Variants in ZNF517 observed in about 807,000 individuals in gnomAD.
The protein encoded by ZNF517 is zinc finger protein 517.
Under a neutral mutation model 12.1 loss-of-function variants are expected in ZNF517, and 12 were observed. That is an observed-to-expected ratio of 0.99 (90% CI 0.63 to 1.61). The LOEUF (loss-of-function observed/expected upper bound fraction) is 1.61. ZNF517 is among the 40% of genes most tolerant of loss of function. The probability of loss-of-function intolerance (pLI) is 0.00; values close to 1 mark genes in which losing one functional copy is unlikely to be tolerated. For synonymous variants in ZNF517, 388 were observed against 310.2 expected, an observed-to-expected ratio of 1.25 and a Z score of -2.63; for missense variants, 781 against 693.2, an observed-to-expected ratio of 1.13 and a Z score of -1.42.
At chr8:144,804,464 CAG>C (rs1374356330) in intron 4 of ZNF517, among the ~76,000 whole-genome samples, 3 of 152,144 alleles carry the variant, frequency 2.0e-5, no homozygotes, top group Non-Finnish European at 4.4e-5. Context: ...CCCAAGGTGT[CAG>C]GGGCCGGGTC....
At chr8:144,805,232 C>T (rs2953879) in intron 4 of ZNF517, among the ~76,000 whole-genome samples, 11,925 of 152,316 alleles carry the variant, frequency 0.078, 1,049 homozygotes, top group African/African-American at 0.21. Context: ...GTGACAGAGG[C>T]TCACACTCTT....
At chr8:144,803,899 T>C in intron 3 of ZNF517, 132 bp downstream of exon 3, 1 of 1,365,882 alleles carries the variant, frequency 7.3e-7, no homozygotes. Flanking sequence ...AAGGAGCCCC[T>C]CTCTGCTTCC....
At position 144,807,089 on chromosome 8, in the gene ZNF517, T is replaced by TGG. The variant is rs752361837; in HGVS notation, c.275-98_275-97dup. ...TTTATACCTCAGTAAAGCTGGGTGT[T>TGG]GGGGGAAGACTTGGGAATAAAAAGG... On this transcript the variant is annotated intron_variant, in intron 4 of 4. Transcript: ENST00000359971. The TGG allele has an allele frequency of 7.3e-4, 1,047 of 1,434,140 alleles. 1 individual carries two copies. Among genetic ancestry groups the TGG allele is most frequent in the Non-Finnish European group, 9.1e-4 (976 of 1,076,164 alleles). 88.8% of individuals were successfully genotyped at this position (1,434,140 alleles called of 1,614,324 possible).
intron 1 of ZNF517, among the ~76,000 whole-genome samples, chr8:144,801,146 T>A (rs1297240611): frequency 1.3e-5 from 2 of 152,142 alleles, no homozygotes; most frequent in Non-Finnish European, 2.9e-5. Context: ...ACATGCTTTT[T>A]GTTAACTGAT....
chr8:144,810,197 A>C, downstream of ZNF517: 1 of 698,258 alleles, frequency 1.4e-6, no homozygotes, highest in Non-Finnish European at 2.6e-6. Flanking sequence ...CCGGAAGGGT[A>C]GCCGGTGGGG....
chr8:144,807,039 TC>T, intron 4 of ZNF517, 151 bp from the exon 5 acceptor site: 1 of 1,009,216 alleles, frequency 9.9e-7, no homozygotes, highest in Non-Finnish European at 1.4e-6. Flanking sequence ...TGCCTCAGCC[TC>T]CTGTATACAA....
rs116776328 is a variant in ZNF517, at chr8:144,800,796, C to G, written c.-46+1859C>G. The G allele has an allele frequency of 2.6e-3, 1,670 of 651,082 alleles. 34 individuals carry two copies. In the African/African-American group the frequency reaches 0.03, roughly 12 times the overall value. 40.3% of individuals were successfully genotyped at this position (651,082 alleles called of 1,614,324 possible). A position where few individuals can be genotyped will look rare whatever the true frequency, so the allele number is the denominator to read the frequency against. ...AGGGCTCTGCTGCCAAATGTCACTT[C>G]ATAGCATTGTGACCAAGCAGCCCTC... On this transcript the variant is annotated intron_variant, in intron 1 of 4. Coordinates refer to ENST00000359971, the MANE Select transcript of ZNF517 (RefSeq NM_213605.3).
chr8:144,803,661 T>C lies in ZNF517; in HGVS notation c.54T>C (p.Asp18=), dbSNP rs762948822. The C allele has an allele frequency of 9.9e-6, 16 of 1,614,022 alleles. No individual in the cohort carries two copies. The highest frequency in any genetic ancestry group is 1.3e-5 in the Non-Finnish European group (15 of 1,179,998). ...PGPQEAVVFE[D]VAVYFTRIEW... ...TGCAGGAGGCGGTTGTGTTCGAGGA[T>C]GTGGCTGTGTACTTCACAAGGATAG... Residue 18 remains aspartate, a synonymous_variant, in exon 3 of 5, where the codon GAT becomes GAC. Transcript: ENST00000359971.
At chr8:144,811,600 C>G (rs1457391988), downstream of ZNF517, among the ~76,000 whole-genome samples, 1 of 136,338 alleles carries the variant, frequency 7.3e-6, no homozygotes, top group Non-Finnish European at 1.6e-5. Context: ...GTGGGAGAGA[C>G]ACGGACAGTA....
chr8:144,799,275 G>A (rs1171213205), intron 1 of ZNF517, among the ~76,000 whole-genome samples: 1 of 152,176 alleles, frequency 6.6e-6, no homozygotes, highest in African/African-American at 2.4e-5. Flanking sequence ...CCTCGCTTCC[G>A]TCCGATGGCG....
chr8:144,803,434 A>T, intron 2 of ZNF517: 1 of 605,112 alleles, frequency 1.7e-6, no homozygotes. Context: ...CCCCAAGTTC[A>T]GTTTTTCCCT....
In ZNF517 at chr8:144,807,605, A is replaced by C. The variant is rs1827311750; in HGVS notation, c.689A>C (p.Glu230Ala). 1 of 1,608,114 alleles carries C rather than the reference A, an allele frequency of 6.2e-7. No individual in the cohort carries two copies. Among genetic ancestry groups the C allele is most frequent in the Non-Finnish European group, 8.5e-7 (1 of 1,177,904 alleles). Residue 230 changes from glutamate to alanine, a missense_variant, in exon 5 of 5, where the codon GAG becomes GCG. Glu to Ala is a moderately radical substitution (Grantham distance 107). Transcript: ENST00000359971. ...CGGCACCAGCTGATCCACACTGAGG[A>C]GAAGCCGTTCCAGTGCGGCGAGTGC... ...LLRHQLIHTE[E>A]KPFQCGECGK...
intron 4 of ZNF517, among the ~76,000 whole-genome samples, chr8:144,804,977 G>C (rs556600429): frequency 1.1e-4 from 16 of 152,368 alleles, no homozygotes; most frequent in African/African-American, 3.1e-4. Context: ...CAGGGAGACG[G>C]TCAGGCCTCA....
At chr8:144,799,148 G>A (rs1159597277) in intron 1 of ZNF517, among the ~76,000 whole-genome samples, 4 of 152,158 alleles carry the variant, frequency 2.6e-5, no homozygotes, top group Non-Finnish European at 5.9e-5. Flanking sequence ...GTGGTCGGGG[G>A]CGTGCGGCCG....
At chr8:144,805,004 G>A (rs1247724518) in intron 4 of ZNF517, among the ~76,000 whole-genome samples, 1 of 152,244 alleles carries the variant, frequency 6.6e-6, no homozygotes, top group African/African-American at 2.4e-5. Flanking sequence ...CTGTGGGCGA[G>A]TTTGACTGAT....
intron 4 of ZNF517, among the ~76,000 whole-genome samples, chr8:144,804,601 G>A (rs999218561): frequency 6.6e-6 from 1 of 152,272 alleles, no homozygotes; most frequent in South Asian, 2.1e-4. Context: ...AGAGATAGAA[G>A]AAAAGACAGC....
chr8:144,804,778 G>T lies in ZNF517; in HGVS notation c.274+540G>T, dbSNP rs565448876. Among the ~76,000 whole-genome samples, 25 of 152,282 alleles carry T rather than the reference G, an allele frequency of 1.6e-4. No individual in the cohort carries two copies. In the South Asian group the frequency reaches 5.0e-3, roughly 30 times the overall value. ...TGAGTCACATGTTCACCGGACAGGGGGTCCTTCCCTGTTTGACAGCCGAGG... is the reference window on the plus strand; with the variant it reads ...TGAGTCACATGTTCACCGGACAGGGTGTCCTTCCCTGTTTGACAGCCGAGG... On this transcript the variant is annotated intron_variant, in intron 4 of 4. Coordinates refer to ENST00000359971, the MANE Select transcript of ZNF517 (RefSeq NM_213605.3).
chr8:144,807,387 C>T lies in ZNF517; in HGVS notation c.471C>T (p.Ser157=), dbSNP rs778312862. The T allele has an allele frequency of 3.0e-5, 47 of 1,557,638 alleles. No homozygotes were observed. In the South Asian group the frequency reaches 4.8e-4, roughly 16 times the overall value. ...CCCACCCCCGGGCTCGGGAGCACAG[C>T]GCCTCCCCAAGGGTTCTGCAGGAAG... ...KPTHPRAREH[S]ASPRVLQEDL... The change falls in exon 5 of 5, where the codon AGC becomes AGT. Residue 157 remains serine, a synonymous_variant. Transcript: ENST00000359971.
chr8:144,805,910 C>T (rs3109778), intron 4 of ZNF517, among the ~76,000 whole-genome samples: 11,899 of 152,200 alleles, frequency 0.078, 1,031 homozygotes, highest in African/African-American at 0.21. Context: ...TGAGCCACCA[C>T]GCCTGGCCAG....
Sources: allele counts gnomAD v4.1 joint callset (sites outside exome capture counted in the v4.1 genomes callset), GRCh38; gene constraint gnomAD v4.1.1; transcripts MANE v1.5; gene names NCBI Gene and HGNC (gene_info 2026-07-23, HGNC 2026-07-21).